SLC41A3: variants seen among roughly 807,000 people sequenced by gnomAD.
SLC41A3 encodes SLC41A1-like 2.
Under a neutral mutation model 45.4 loss-of-function variants are expected in SLC41A3, and 44 were observed. The ratio of observed to expected loss-of-function variants is 0.97; its 90% CI spans 0.76 to 1.25. SLC41A3 has a LOEUF of 1.25. Ranked by LOEUF, SLC41A3 falls within the 50% of genes most tolerant of loss-of-function variation. The probability of loss-of-function intolerance (pLI) is 0.00; values close to 1 mark genes in which losing one functional copy is unlikely to be tolerated. For missense variants in SLC41A3, 550 were observed against 600.6 expected (o/e 0.92, Z 0.88); for synonymous variants, 256 against 252.4 (o/e 1.01, Z -0.13).
At chr3:126,056,772 G>T (rs1003938925) in intron 2 of SLC41A3, 2 of 1,384,142 alleles carry the variant, frequency 1.4e-6, no homozygotes, top group African/African-American at 2.9e-5. Flanking sequence ...GTGACTCACG[G>T]CCTCATTACA....
chr3:126,038,257 CAAT>C (rs1335220319), intron 3 of SLC41A3, among the ~76,000 whole-genome samples: 1 of 152,224 alleles, frequency 6.6e-6, no homozygotes, highest in East Asian at 1.9e-4. Flanking sequence ...CCCACTTGGC[CAAT>C]GCCTAGTGGA....
chr3:126,020,982 C>T (rs1439355976), intron 6 of SLC41A3, among the ~76,000 whole-genome samples: 2 of 152,006 alleles, frequency 1.3e-5, no homozygotes, highest in Admixed American at 6.6e-5. Flanking sequence ...GCAAGCTTCG[C>T]CTCCCAGGTT....
chr3:126,080,960 A>C (rs947801588), intron 1 of SLC41A3, among the ~76,000 whole-genome samples: 2 of 152,036 alleles, frequency 1.3e-5, no homozygotes, highest in Non-Finnish European at 2.9e-5. Flanking sequence ...CTGAAAAAAA[A>C]AAACAAACTA....
chr3:126,056,580 A>G (rs1221164608), intron 2 of SLC41A3: 2 of 1,606,624 alleles, frequency 1.2e-6, no homozygotes, highest in Non-Finnish European at 1.7e-6. Flanking sequence ...CGATCCCAGG[A>G]GCACGAAGTC....
At chr3:126,017,400 T>C (rs1051300087) in intron 6 of SLC41A3, among the ~76,000 whole-genome samples, 1 of 152,224 alleles carries the variant, frequency 6.6e-6, no homozygotes, top group African/African-American at 2.4e-5. Flanking sequence ...TGGTCCTGGC[T>C]GAGGCCAGTC....
At chr3:126,009,906 G>A (rs1939520947) in intron 9 of SLC41A3, among the ~76,000 whole-genome samples, 1 of 152,188 alleles carries the variant, frequency 6.6e-6, no homozygotes, top group Admixed American at 6.5e-5. Context: ...CAAATAACAA[G>A]TTAGAAAATA....
chr3:126,088,287 G>A (rs915142483), upstream of SLC41A3, among the ~76,000 whole-genome samples: 9 of 152,124 alleles, frequency 5.9e-5, no homozygotes, highest in African/African-American at 2.2e-4. Flanking sequence ...CTTTAAAAAT[G>A]TAAGTGCTTA....
At position 126,006,585 on chromosome 3, in the gene SLC41A3, G is replaced by A; in HGVS notation, c.*431C>T. 1 of 1,587,136 alleles carries A rather than the reference G, an allele frequency of 6.3e-7. No homozygotes were observed. Among genetic ancestry groups the A allele is most frequent in the Non-Finnish European group, 8.5e-7 (1 of 1,172,548 alleles). On this transcript the variant is annotated 3_prime_UTR_variant, in exon 11 of 11. Coordinates refer to ENST00000360370, the MANE Select transcript of SLC41A3 (RefSeq NM_017836.4). ...TGAACCTGGTGAAGACAGCAAGTAA[G>A]CCACAGCTCAAGAGTTCTGAGGCTT...
At chr3:126,061,846 G>C (rs1944087464) in intron 2 of SLC41A3, among the ~76,000 whole-genome samples, 1 of 152,038 alleles carries the variant, frequency 6.6e-6, no homozygotes, top group Admixed American at 6.6e-5. Flanking sequence ...AACCTCTGCT[G>C]TCTCTCTTGG....
At chr3:126,055,786 C>T (rs1202009190) in intron 2 of SLC41A3, among the ~76,000 whole-genome samples, 1 of 152,170 alleles carries the variant, frequency 6.6e-6, no homozygotes, top group Non-Finnish European at 1.5e-5. Context: ...CCTCAGCACA[C>T]GCCTCCACTG....
intron 8 of SLC41A3, 134 bp downstream of exon 8, chr3:126,015,360 T>C: frequency 1.2e-6 from 1 of 803,640 alleles, no homozygotes; most frequent in East Asian, 2.5e-5. Flanking sequence ...AAGGCAGCAG[T>C]CTGTCCACGG....
intron 2 of SLC41A3, among the ~76,000 whole-genome samples, chr3:126,058,588 G>A (rs763437681): frequency 6.6e-6 from 1 of 152,118 alleles, no homozygotes; most frequent in Non-Finnish European, 1.5e-5. Flanking sequence ...GCCCACAGAC[G>A]CTGCCTTCAC....
chr3:126,032,892 A>G, intron 4 of SLC41A3, among the ~76,000 whole-genome samples: 1 of 152,166 alleles, frequency 6.6e-6, no homozygotes, highest in East Asian at 1.9e-4. Flanking sequence ...CCCAACTCAG[A>G]GAGGCCCAGA....
chr3:126,095,751 C>T (rs1945587213), intron 1 of SLC41A3, among the ~76,000 whole-genome samples: 1 of 152,194 alleles, frequency 6.6e-6, no homozygotes. Flanking sequence ...AGAGGTGCTG[C>T]ACAACGATTC....
intron 8 of SLC41A3, among the ~76,000 whole-genome samples, chr3:126,014,760 G>C (rs1289795274): frequency 2.0e-5 from 3 of 152,230 alleles, no homozygotes; most frequent in African/African-American, 7.2e-5. Flanking sequence ...GGGCCTGGGG[G>C]CTAAACTGGA....
chr3:126,029,369 C>CA (rs1941623095), intron 4 of SLC41A3, among the ~76,000 whole-genome samples: 1 of 151,006 alleles, frequency 6.6e-6, no homozygotes, highest in African/African-American at 2.4e-5. Context: ...GTGGCACTCC[C>CA]TCCCCCACCA....
upstream of SLC41A3, among the ~76,000 whole-genome samples, chr3:126,088,261 A>G (rs1945431862): frequency 6.6e-6 from 1 of 152,142 alleles, no homozygotes; most frequent in Admixed American, 6.5e-5. Flanking sequence ...TACATGAAAG[A>G]GCTCTAACCT....
At chr3:126,023,742 T>G (rs895541879) in intron 5 of SLC41A3, 1 of 152,232 alleles carries the variant, frequency 6.6e-6, no homozygotes, top group African/African-American at 2.4e-5. Flanking sequence ...CTGTTCAGAC[T>G]GTGCTCTGAA....
chr3:126,027,573 G>C (rs928232786), intron 4 of SLC41A3, among the ~76,000 whole-genome samples: 10 of 152,178 alleles, frequency 6.6e-5, no homozygotes, highest in African/African-American at 1.9e-4. Flanking sequence ...CAGAAAAGTG[G>C]TACTGAAGAG....
Sources: gnomAD v4.1 joint callset for allele counts (sites outside exome capture counted in the v4.1 genomes callset) on GRCh38, gnomAD v4.1.1 for gene constraint, MANE v1.5 for transcripts, NCBI Gene and HGNC (gene_info 2026-07-23, HGNC 2026-07-21) for gene names.